The following MAGI1 variants were observed in gnomAD, a reference collection of about 807,000 sequenced individuals.
The protein encoded by MAGI1 is membrane associated guanylate kinase, WW and PDZ domain containing 1.
Under a neutral mutation model 139.9 loss-of-function variants are expected in MAGI1, and 58 were observed. That is an observed-to-expected ratio of 0.41 (90% CI 0.34 to 0.52). The LOEUF (loss-of-function observed/expected upper bound fraction) is 0.52. Among genes scored for constraint, MAGI1 ranks in the 20% least tolerant of loss-of-function variants. The pLI is 0.12. For synonymous variants in MAGI1, 812 were observed against 737.9 expected, an observed-to-expected ratio of 1.10 and a Z score of -1.63; for missense variants, 1,874 against 1,901.6, an observed-to-expected ratio of 0.99 and a Z score of 0.27.
chr3:65,556,063 T>C (rs2080073601), intron 2 of MAGI1, among the ~76,000 whole-genome samples: 2 of 152,160 alleles, frequency 1.3e-5, no homozygotes, highest in African/African-American at 4.8e-5. Flanking sequence ...GGAGAGATTG[T>C]ATGAGAGAGA....
At chr3:65,563,939 T>C (rs1224130026) in intron 2 of MAGI1, among the ~76,000 whole-genome samples, 1 of 152,152 alleles carries the variant, frequency 6.6e-6, no homozygotes, top group Non-Finnish European at 1.5e-5. Flanking sequence ...TTTACTGAAG[T>C]AGATAATGGT....
intron 2 of MAGI1, among the ~76,000 whole-genome samples, chr3:65,538,243 C>T (rs1177611931): frequency 5.3e-5 from 8 of 152,166 alleles, no homozygotes; most frequent in Admixed American, 4.6e-4. Flanking sequence ...AACCAGAAGA[C>T]AGCATTATTG....
intron 1 of MAGI1, among the ~76,000 whole-genome samples, chr3:65,835,937 G>A (rs1158058478): frequency 6.6e-6 from 1 of 152,094 alleles, no homozygotes; most frequent in African/African-American, 2.4e-5. Context: ...TATAAAAATT[G>A]GTATGGTAGA....
intron 1 of MAGI1, among the ~76,000 whole-genome samples, chr3:65,716,487 C>A (rs1434476832): frequency 2.6e-5 from 4 of 152,214 alleles, no homozygotes; most frequent in Non-Finnish European, 4.4e-5. Flanking sequence ...ATTAGGCCGA[C>A]ACAAAGGCAG....
intron 1 of MAGI1, among the ~76,000 whole-genome samples, chr3:65,667,075 T>C (rs2086579307): frequency 6.6e-6 from 1 of 152,222 alleles, no homozygotes; most frequent in African/African-American, 2.4e-5. Context: ...GAAAATGGCA[T>C]TCCTTCTGCC....
At chr3:65,362,279 A>G (rs1038156148) in intron 21 of MAGI1, among the ~76,000 whole-genome samples, 1 of 152,236 alleles carries the variant, frequency 6.6e-6, no homozygotes, top group East Asian at 1.9e-4. Context: ...TATACAAAGT[A>G]GCATAATAAT....
At chr3:65,524,448 T>C (rs1198060451) in intron 2 of MAGI1, among the ~76,000 whole-genome samples, 4 of 152,218 alleles carry the variant, frequency 2.6e-5, no homozygotes, top group Non-Finnish European at 5.9e-5. Flanking sequence ...TTAGTCATGT[T>C]TCATTACTCT....
At chr3:65,410,269 T>C (rs999789648) in intron 12 of MAGI1, among the ~76,000 whole-genome samples, 1 of 152,158 alleles carries the variant, frequency 6.6e-6, no homozygotes, top group Non-Finnish European at 1.5e-5. Context: ...CAAAAATAAC[T>C]AAAAAGTATT....
chr3:65,486,021 G>A (rs368597209), intron 3 of MAGI1, among the ~76,000 whole-genome samples: 4 of 152,158 alleles, frequency 2.6e-5, no homozygotes, highest in African/African-American at 9.7e-5. Context: ...TTTGCCAACA[G>A]AGCTCATCAC....
At chr3:65,752,356 G>T (rs944302134) in intron 1 of MAGI1, among the ~76,000 whole-genome samples, 1 of 152,134 alleles carries the variant, frequency 6.6e-6, no homozygotes, top group Non-Finnish European at 1.5e-5. Flanking sequence ...TCTTCTATAA[G>T]ATGAGGAAAT....
intron 1 of MAGI1, among the ~76,000 whole-genome samples, chr3:65,648,215 G>C (rs989774113): frequency 1.3e-5 from 2 of 151,358 alleles, no homozygotes; most frequent in Non-Finnish European, 2.9e-5. Context: ...CACTATCACA[G>C]CTCACTGAAG....
At chr3:65,360,894 G>A (rs914333841) in intron 22 of MAGI1, 25 of 1,317,214 alleles carry the variant, frequency 1.9e-5, no homozygotes, top group Non-Finnish European at 2.4e-5. Flanking sequence ...CTGAGGAACA[G>A]TTTGGCACAG....
At chr3:65,820,363 C>A (rs181164938) in intron 1 of MAGI1, among the ~76,000 whole-genome samples, 1 of 152,274 alleles carries the variant, frequency 6.6e-6, no homozygotes, top group East Asian at 1.9e-4. Flanking sequence ...TTGCTGTTTA[C>A]AGCCTATCTG....
chr3:65,897,504 A>T (rs1308321660), intron 1 of MAGI1, among the ~76,000 whole-genome samples: 2 of 152,046 alleles, frequency 1.3e-5, no homozygotes, highest in East Asian at 1.9e-4. Flanking sequence ...CATTAGGAGA[A>T]ATACCTAATG....
intron 2 of MAGI1, among the ~76,000 whole-genome samples, chr3:65,587,167 G>C (rs1044591660): frequency 4.6e-5 from 7 of 152,190 alleles, no homozygotes; most frequent in African/African-American, 1.7e-4. Context: ...TTGGGATACA[G>C]ATGCTCCTCG....
intron 1 of MAGI1, among the ~76,000 whole-genome samples, chr3:65,971,314 T>C (rs2065004500): frequency 6.6e-6 from 1 of 152,224 alleles, no homozygotes; most frequent in African/African-American, 2.4e-5. Flanking sequence ...CTGTGCTTCA[T>C]TCCTTAAGAG....
intron 21 of MAGI1, among the ~76,000 whole-genome samples, chr3:65,361,569 G>T (rs571626333): frequency 6.6e-6 from 1 of 152,282 alleles, no homozygotes; most frequent in South Asian, 2.1e-4. Context: ...AAAGCAGTAA[G>T]GGCATGTTAA....
chr3:65,359,151 C>A (rs199543076), intron 22 of MAGI1: 1 of 1,613,230 alleles, frequency 6.2e-7, no homozygotes, highest in African/African-American at 1.3e-5. Context: ...GAGGTATCAT[C>A]GCTGTGGAAG....
chr3:65,468,244 C>G (rs890476339), intron 5 of MAGI1, among the ~76,000 whole-genome samples: 1 of 152,062 alleles, frequency 6.6e-6, no homozygotes, highest in Non-Finnish European at 1.5e-5. Context: ...CTTTAAAAAG[C>G]ATTTGTCATT....
Sources: allele counts gnomAD v4.1 joint callset (sites outside exome capture counted in the v4.1 genomes callset), GRCh38; gene constraint gnomAD v4.1.1; transcripts MANE v1.5; gene names NCBI Gene and HGNC (gene_info 2026-07-23, HGNC 2026-07-21).